HSD17B12: variants seen among roughly 807,000 people sequenced by gnomAD.
HSD17B12 encodes the protein hydroxysteroid 17-beta dehydrogenase 12, also known as very-long-chain 3-oxoacyl-CoA reductase.
In HSD17B12, 32 loss-of-function variants were observed where a neutral mutation model predicts 39.3. The observed-to-expected ratio is 0.81, with a 90% CI of 0.61 to 1.09. HSD17B12 has a LOEUF of 1.09. Ranked by LOEUF, HSD17B12 falls within the 50% of genes least tolerant of loss-of-function variation. HSD17B12 has a pLI of 0.00. For missense variants in HSD17B12, 342 were observed against 382.9 expected (o/e 0.89, Z 0.89); for synonymous variants, 150 against 146.7 (o/e 1.02, Z -0.16).
At chr11:43,788,471 C>G (rs974807799) in intron 3 of HSD17B12, among the ~76,000 whole-genome samples, 7 of 152,002 alleles carry the variant, frequency 4.6e-5, no homozygotes, top group African/African-American at 1.7e-4. Context: ...CTTCATAGAG[C>G]TGTTTGTCTG....
rs1397795350 is a variant in HSD17B12, at chr11:43,734,044, G to A, written c.161-16867G>A. Reference sequence around the variant, plus strand: ...AATATCACACGGCGGATCCTCTTCCGGCCTATCGCTAGCCAACTTCCTCAT... The same window carrying A: ...AATATCACACGGCGGATCCTCTTCCAGCCTATCGCTAGCCAACTTCCTCAT... On this transcript the variant is annotated intron_variant, in intron 1 of 10. Transcript: ENST00000278353. 5.1e-6 allele frequency: 4 copies of A among 790,680 alleles called. No individual in the cohort carries two copies. In the East Asian group the frequency reaches 9.9e-5, roughly 20 times the overall value. 49.0% of individuals were successfully genotyped at this position (790,680 alleles called of 1,614,324 possible).
At chr11:43,753,350 A>G (rs1198126817) in intron 2 of HSD17B12, among the ~76,000 whole-genome samples, 1 of 148,702 alleles carries the variant, frequency 6.7e-6, no homozygotes, top group African/African-American at 2.5e-5. Flanking sequence ...CAGTCCTCTG[A>G]TGTTTGTTTT....
the HSD17B12 span, among the ~76,000 whole-genome samples, chr11:43,596,463 C>T: frequency 6.6e-6 from 1 of 152,094 alleles, no homozygotes; most frequent in Admixed American, 6.5e-5. Context: ...GACAGGGTCT[C>T]GCTCTGTTGC....
At chr11:43,735,936 C>T (rs187961562) in intron 1 of HSD17B12, among the ~76,000 whole-genome samples, 1 of 152,298 alleles carries the variant, frequency 6.6e-6, no homozygotes, top group African/African-American at 2.4e-5. Flanking sequence ...AACCCACTCA[C>T]TGTCACGAGA....
intron 6 of HSD17B12, among the ~76,000 whole-genome samples, chr11:43,816,984 ATC>A (rs1951129914): frequency 8.0e-5 from 1 of 12,444 alleles, no homozygotes; most frequent in African/African-American, 1.4e-4. Flanking sequence ...CATCATATAT[ATC>A]TATATCTATA....
At chr11:43,676,135 C>T (rs1375818715), upstream of HSD17B12, among the ~76,000 whole-genome samples, 2 of 151,058 alleles carry the variant, frequency 1.3e-5, no homozygotes, top group African/African-American at 4.9e-5. Flanking sequence ...AACATTCATC[C>T]CTAAGTCTTG....
chr11:43,595,742 A>C, the HSD17B12 span, among the ~76,000 whole-genome samples: 18 of 152,244 alleles, frequency 1.2e-4, no homozygotes, highest in African/African-American at 4.3e-4. Context: ...TAAACGAAAA[A>C]TAATTCTTGA....
chr11:43,558,484 T>C, the HSD17B12 span, among the ~76,000 whole-genome samples: 3 of 152,072 alleles, frequency 2.0e-5, no homozygotes, highest in Middle Eastern at 3.4e-3. Flanking sequence ...TACATTTTTT[T>C]CCCCCTGCAA....
intron 3 of HSD17B12, among the ~76,000 whole-genome samples, chr11:43,765,278 T>C (rs973035123): frequency 2.0e-5 from 3 of 152,128 alleles, no homozygotes; most frequent in African/African-American, 7.2e-5. Context: ...TGAAAGGTAT[T>C]TTCTCTGGGT....
At chr11:43,633,439 G>A in the HSD17B12 span, among the ~76,000 whole-genome samples, 1 of 152,186 alleles carries the variant, frequency 6.6e-6, no homozygotes, top group Non-Finnish European at 1.5e-5. Context: ...GGCTGAGGCA[G>A]GAGAATCATT....
intron 6 of HSD17B12, among the ~76,000 whole-genome samples, chr11:43,821,612 T>C (rs1181016574): frequency 6.6e-6 from 1 of 152,194 alleles, no homozygotes; most frequent in Non-Finnish European, 1.5e-5. Context: ...CATCCCAGAA[T>C]ACTGAGAGAG....
chr11:43,853,936 T>G (rs1480434703), intron 9 of HSD17B12: 2 of 152,228 alleles, frequency 1.3e-5, no homozygotes, highest in African/African-American at 2.4e-5. Context: ...GACTCAGGAC[T>G]TGTTACAATA....
At chr11:43,849,629 C>T (rs189893211) in intron 9 of HSD17B12, among the ~76,000 whole-genome samples, 2 of 152,308 alleles carry the variant, frequency 1.3e-5, no homozygotes, top group African/African-American at 4.8e-5. Context: ...ATCAAAGGGG[C>T]CTTTCTTGAG....
At chr11:43,657,852 A>G in the HSD17B12 span, among the ~76,000 whole-genome samples, 2 of 152,056 alleles carry the variant, frequency 1.3e-5, no homozygotes, top group Admixed American at 6.6e-5. Flanking sequence ...CTTCATTTCA[A>G]CTTCAGTGAA....
chr11:43,666,662 C>T, the HSD17B12 span, among the ~76,000 whole-genome samples: 3 of 152,130 alleles, frequency 2.0e-5, no homozygotes, highest in African/African-American at 7.2e-5. Context: ...TGAGGGGACT[C>T]ATTAACATTC....
chr11:43,686,817 A>G (rs1565047938), intron 1 of HSD17B12, among the ~76,000 whole-genome samples: 1 of 152,198 alleles, frequency 6.6e-6, no homozygotes, highest in African/African-American at 2.4e-5. Flanking sequence ...TATTAGCCTT[A>G]GTAGCACTGT....
chr11:43,613,260 C>T, the HSD17B12 span, among the ~76,000 whole-genome samples: 3,994 of 151,920 alleles, frequency 0.026, 77 homozygotes, highest in South Asian at 0.11. Flanking sequence ...GACATGGTGG[C>T]GCATGCCTGT....
At chr11:43,807,969 G>A (rs1281546584) in intron 4 of HSD17B12, among the ~76,000 whole-genome samples, 6 of 152,144 alleles carry the variant, frequency 3.9e-5, no homozygotes. Context: ...CCATTTTACA[G>A]ACAAGAAACA....
chr11:43,579,090 C>T, the HSD17B12 span: 1 of 69,786 alleles, frequency 1.4e-5, no homozygotes, highest in African/African-American at 6.0e-5. Flanking sequence ...GGGGGGGCAC[C>T]AAATCAGTGG....
Sources: gnomAD v4.1 joint callset for allele counts (sites outside exome capture counted in the v4.1 genomes callset) on GRCh38, gnomAD v4.1.1 for gene constraint, MANE v1.5 for transcripts, NCBI Gene and HGNC (gene_info 2026-07-23, HGNC 2026-07-21) for gene names.